The following MYO16 variants were observed in gnomAD, a reference collection of about 807,000 sequenced individuals.
The protein encoded by MYO16 is unconventional myosin-XVI.
A neutral mutation model predicts 205.3 loss-of-function variants in MYO16; 94 were observed. That is an observed-to-expected ratio of 0.46 (90% CI 0.39 to 0.54). MYO16 has a LOEUF of 0.54. MYO16 is among the 20% of genes least tolerant of loss of function. MYO16 has a pLI of 0.00. For synonymous variants in MYO16, 988 were observed against 954.0 expected, an observed-to-expected ratio of 1.04 and a Z score of -0.66; for missense variants, 2,315 against 2,387.5, an observed-to-expected ratio of 0.97 and a Z score of 0.63.
chr13:108,907,589 CA>C (rs1300023188), intron 15 of MYO16, among the ~76,000 whole-genome samples: 1 of 152,172 alleles, frequency 6.6e-6, no homozygotes, highest in East Asian at 1.9e-4. Flanking sequence ...AGTTTCATGG[CA>C]ATTTGAATTT....
the MYO16 span, among the ~76,000 whole-genome samples, chr13:108,535,793 C>T: frequency 6.6e-6 from 1 of 152,108 alleles, no homozygotes; most frequent in African/African-American, 2.4e-5. Flanking sequence ...TAGAACCATG[C>T]CTTGTGCTTT....
chr13:109,078,047 ATCT>A lies in MYO16; in HGVS notation c.3335+22456_3335+22458del, dbSNP rs752093526. ...CTAATCTTTTCTTCTGCAGTGTTTA[ATCT>A]TCTGTTCATCCAATTCAATGCATTT... On this transcript the variant is annotated intron_variant, in intron 27 of 34. Transcript: ENST00000457511. Among the ~76,000 whole-genome samples the A allele has an allele frequency of 7.4e-4, 112 of 152,084 alleles. 1 individual carries two copies. In the Middle Eastern group the frequency reaches 0.045, roughly 60 times the overall value.
chr13:108,819,007 T>A (rs1477008669), intron 7 of MYO16, among the ~76,000 whole-genome samples: 1 of 152,002 alleles, frequency 6.6e-6, no homozygotes, highest in East Asian at 1.9e-4. Flanking sequence ...TTGTTAGGAG[T>A]AGGAGTGTAA....
Position 108,888,354 on chromosome 13 carries a change from C to A in MYO16, c.1554-18C>A. 1 of 1,534,886 alleles carries A rather than the reference C, an allele frequency of 6.5e-7. No individual in the cohort carries two copies. Among genetic ancestry groups the A allele is most frequent in the African/African-American group, 1.4e-5 (1 of 71,472 alleles). Reference sequence around the variant, plus strand: ...AAAGTTCCTTCAAACTTATGTTTTTCCTCTCTGTTTTCCTTAGTGGAGAAA... The same window carrying A: ...AAAGTTCCTTCAAACTTATGTTTTTACTCTCTGTTTTCCTTAGTGGAGAAA... On this transcript the variant is annotated intron_variant, in intron 13 of 34. Coordinates refer to ENST00000457511, the MANE Select transcript of MYO16 (RefSeq NM_001198950.3).
At chr13:109,089,826 G>A (rs1888562064) in intron 27 of MYO16, among the ~76,000 whole-genome samples, 2 of 152,124 alleles carry the variant, frequency 1.3e-5, no homozygotes, top group Admixed American at 1.3e-4. Context: ...TTGTTTTCCT[G>A]TTTCCCTGTC....
At chr13:108,691,877 A>G (rs1323929647) in intron 2 of MYO16, among the ~76,000 whole-genome samples, 2 of 152,208 alleles carry the variant, frequency 1.3e-5, no homozygotes, top group Non-Finnish European at 2.9e-5. Flanking sequence ...GACTATTAAA[A>G]TGGTCATATT....
At chr13:108,759,507 G>T (rs190656715) in intron 4 of MYO16, among the ~76,000 whole-genome samples, 2 of 152,262 alleles carry the variant, frequency 1.3e-5, no homozygotes, top group East Asian at 3.9e-4. Context: ...TGAAAGAAAT[G>T]AGGTGAACAA....
intron 23 of MYO16, among the ~76,000 whole-genome samples, chr13:109,027,787 C>T (rs1454988551): frequency 6.6e-6 from 1 of 152,172 alleles, no homozygotes; most frequent in Non-Finnish European, 1.5e-5. Context: ...ATTTCCCCAA[C>T]AATGGCTGAA....
intron 23 of MYO16, among the ~76,000 whole-genome samples, chr13:109,025,315 A>G (rs976119857): frequency 1.3e-5 from 2 of 152,334 alleles, no homozygotes; most frequent in Admixed American, 1.3e-4. Flanking sequence ...TGTTTGGAAC[A>G]GAGGCTCTGA....
At chr13:108,767,421 A>T (rs1885817118) in intron 4 of MYO16, among the ~76,000 whole-genome samples, 1 of 152,104 alleles carries the variant, frequency 6.6e-6, no homozygotes, top group Non-Finnish European at 1.5e-5. Flanking sequence ...TATTTTTTTA[A>T]GAAACACATT....
At chr13:108,989,125 A>G (rs1884735684) in intron 20 of MYO16, among the ~76,000 whole-genome samples, 2 of 152,224 alleles carry the variant, frequency 1.3e-5, no homozygotes, top group South Asian at 4.1e-4. Context: ...TAAGAAATTA[A>G]GAAATCACCT....
chr13:109,083,249 G>C (rs946423175), intron 27 of MYO16, among the ~76,000 whole-genome samples: 3 of 151,696 alleles, frequency 2.0e-5, no homozygotes, highest in African/African-American at 4.8e-5. Flanking sequence ...TGGACGTGGT[G>C]GTGGGCGCCT....
rs181781849 is a variant in MYO16 at position 109,148,155 on chromosome 13, G to T, written c.5164+6779G>T. ...ATAATACTGTGTTCATCTACACTTC[G>T]AAATGAACTTTCAATGTTAATAAAT... On this transcript the variant is annotated intron_variant, in intron 32 of 34. Coordinates refer to ENST00000457511, the MANE Select transcript of MYO16 (RefSeq NM_001198950.3). Among the ~76,000 whole-genome samples, 4 of 152,020 alleles carry T rather than the reference G, an allele frequency of 2.6e-5. 1 individual carries two copies. The South Asian group carries it at 8.3e-4, about 32-fold the overall frequency.
chr13:108,787,640 C>T (rs982704075), intron 5 of MYO16, among the ~76,000 whole-genome samples: 8 of 136,506 alleles, frequency 5.9e-5, no homozygotes, highest in Non-Finnish European at 1.3e-4. Flanking sequence ...AAGGAGTATG[C>T]AAAAACAAAA....
intron 1 of MYO16, among the ~76,000 whole-genome samples, chr13:108,598,077 T>C (rs1289404691): frequency 3.9e-5 from 6 of 152,124 alleles, no homozygotes; most frequent in Non-Finnish European, 1.5e-5. Flanking sequence ...ACCAGCACCT[T>C]GGAGATAGCC....
intron 34 of MYO16, among the ~76,000 whole-genome samples, chr13:109,184,895 A>G (rs1879620478): frequency 6.6e-6 from 1 of 152,112 alleles, no homozygotes; most frequent in African/African-American, 2.4e-5. Flanking sequence ...CAGCCTCCTG[A>G]GTAGCTGGGG....
chr13:108,755,418 A>G (rs1299552754), intron 4 of MYO16, among the ~76,000 whole-genome samples: 4 of 152,186 alleles, frequency 2.6e-5, no homozygotes, highest in Non-Finnish European at 5.9e-5. Context: ...ATAATTCTCA[A>G]TACAATATTA....
rs551173691 is a variant in MYO16, at chr13:109,124,977, G to A, written c.3536-135G>A. ...CTTTAGTGTTATCACTGCTGATTTA[G>A]ATAAAGTCTTATTCTGGGTTAAATG... On this transcript the variant is annotated intron_variant, in intron 29 of 34. Coordinates refer to ENST00000457511, the MANE Select transcript of MYO16 (RefSeq NM_001198950.3). The A allele has an allele frequency of 1.6e-3, 1,585 of 975,854 alleles. 5 individuals are homozygous for A. The highest frequency in any genetic ancestry group is 2.5e-3 in the Admixed American group (90 of 35,520). The allele number at this position is 975,854 out of a possible 1,614,324, so 60.4% of individuals were successfully genotyped here. A position where few individuals can be genotyped will look rare whatever the true frequency, so the allele number is the denominator to read the frequency against.
intron 1 of MYO16, among the ~76,000 whole-genome samples, chr13:108,655,655 C>T (rs569736507): frequency 3.0e-4 from 45 of 152,250 alleles, no homozygotes; most frequent in African/African-American, 9.9e-4. Context: ...GCACTCAATG[C>T]CAGCCCATGA....
Sources: gnomAD v4.1 joint callset for allele counts (sites outside exome capture counted in the v4.1 genomes callset) on GRCh38, gnomAD v4.1.1 for gene constraint, MANE v1.5 for transcripts, NCBI Gene and HGNC (gene_info 2026-07-23, HGNC 2026-07-21) for gene names.